The following NDST3 variants were observed in gnomAD, a reference collection of about 807,000 sequenced individuals.
NDST3 encodes bifunctional heparan sulfate N-deacetylase/N-sulfotransferase 3.
Under a neutral mutation model 96.1 loss-of-function variants are expected in NDST3, and 58 were observed. The ratio of observed to expected loss-of-function variants is 0.60; its 90% CI spans 0.49 to 0.75. The LOEUF (loss-of-function observed/expected upper bound fraction) is 0.75, where lower values mean the gene tolerates loss of function less well. Ranked by LOEUF, NDST3 falls within the 30% of genes least tolerant of loss-of-function variation. The pLI is 0.00. For missense variants in NDST3, 788 were observed against 1,034.2 expected (o/e 0.76, Z 3.27); for synonymous variants, 333 against 359.7 (o/e 0.93, Z 0.84).
chr4:118,248,986 A>C (rs1741486678), intron 12 of NDST3, among the ~76,000 whole-genome samples: 1 of 152,018 alleles, frequency 6.6e-6, no homozygotes, highest in South Asian at 2.1e-4. Flanking sequence ...ACACACTTAT[A>C]CCATTGCCTA....
intron 12 of NDST3, among the ~76,000 whole-genome samples, 160 bp from the exon 13 acceptor site, chr4:118,253,339 A>G (rs1741879233): frequency 6.6e-6 from 1 of 152,216 alleles, no homozygotes; most frequent in Non-Finnish European, 1.5e-5. Context: ...TATGCAAAGG[A>G]ATATAGTAAA....
At chr4:118,039,377 C>T (rs1486301329) in intron 1 of NDST3, among the ~76,000 whole-genome samples, 1 of 152,096 alleles carries the variant, frequency 6.6e-6, no homozygotes, top group Non-Finnish European at 1.5e-5. Flanking sequence ...TTTGTGAGTG[C>T]CAGCTGCTAT....
chr4:118,053,951 C>A lies in NDST3; in HGVS notation c.41C>A (p.Thr14Lys), dbSNP rs1439547519. Residue 14 changes from threonine to lysine, a missense_variant, in exon 2 of 14, where the codon ACA (threonine) becomes AAA (lysine). This residue lies in a region of NDST3 where 234 missense variants were observed against 256.9 expected (regional missense o/e 0.91). Transcript: ENST00000296499. ...AAGCTTCACAGACACTTTCAAAGAACAGTCATTCTGCTTGCCACTTTTTGT... is the reference window on the plus strand; with the variant it reads ...AAGCTTCACAGACACTTTCAAAGAAAAGTCATTCTGCTTGCCACTTTTTGT... ...IMKLHRHFQR[T>K]VILLATFCMV... 1 of 1,611,094 alleles carries A rather than the reference C, an allele frequency of 6.2e-7. No individual in the cohort carries two copies.
chr4:118,061,110 CTT>C (rs1725859070), intron 2 of NDST3, among the ~76,000 whole-genome samples: 1 of 152,156 alleles, frequency 6.6e-6, no homozygotes, highest in African/African-American at 2.4e-5. Context: ...CTTCCAGTGT[CTT>C]TATCTCTGCT....
intron 3 of NDST3, among the ~76,000 whole-genome samples, chr4:118,111,914 G>C (rs1319993638): frequency 6.6e-6 from 1 of 150,782 alleles, no homozygotes; most frequent in Non-Finnish European, 1.5e-5. Flanking sequence ...CTGACCTCTT[G>C]ATCTGCCCGC....
intron 5 of NDST3, among the ~76,000 whole-genome samples, chr4:118,140,345 A>G (rs1258315276): frequency 6.6e-6 from 1 of 152,192 alleles, no homozygotes; most frequent in Non-Finnish European, 1.5e-5. Flanking sequence ...CTGAATTCCT[A>G]CAACACATCA....
chr4:118,096,496 T>G (rs1414337829), intron 2 of NDST3, among the ~76,000 whole-genome samples: 1 of 151,772 alleles, frequency 6.6e-6, no homozygotes, highest in Non-Finnish European at 1.5e-5. Flanking sequence ...ATAAAATTAA[T>G]AAAAATATAA....
At chr4:118,168,210 C>A (rs1251943272) in intron 6 of NDST3, among the ~76,000 whole-genome samples, 1 of 151,822 alleles carries the variant, frequency 6.6e-6, no homozygotes, top group Non-Finnish European at 1.5e-5. Context: ...GGAACTGCTA[C>A]AACTCAATAG....
Position 118,041,829 on chromosome 4 carries a change from G to T in NDST3, c.-156+7237G>T, listed in dbSNP as rs562778119. On this transcript the variant is annotated intron_variant, in intron 1 of 13. Transcript: ENST00000296499. ...CATCTCATTTCTTTTTGAAAAATTT[G>T]AAAAATTACTGGGAAAAAACATGAG... Among the ~76,000 whole-genome samples the T allele has an allele frequency of 6.8e-4, 104 of 152,152 alleles. 1 individual carries two copies. In the South Asian group the frequency reaches 0.02, roughly 29 times the overall value.
intron 1 of NDST3, among the ~76,000 whole-genome samples, chr4:118,040,386 G>A (rs1375090503): frequency 6.6e-6 from 1 of 152,022 alleles, no homozygotes; most frequent in Non-Finnish European, 1.5e-5. Flanking sequence ...AAAGGGGGAG[G>A]GGTGAAAAGA....
intron 6 of NDST3, among the ~76,000 whole-genome samples, chr4:118,215,585 T>G (rs1000270493): frequency 4.6e-5 from 7 of 151,420 alleles, no homozygotes; most frequent in African/African-American, 1.7e-4. Flanking sequence ...GAGCCTAAGA[T>G]GAGAGAGATT....
chr4:118,086,824 A>C (rs1216798044), intron 2 of NDST3, among the ~76,000 whole-genome samples: 2 of 152,150 alleles, frequency 1.3e-5, no homozygotes, highest in African/African-American at 4.8e-5. Flanking sequence ...CATATTCAGG[A>C]AAGATTATAC....
At chr4:118,254,408 C>T (rs1299256325) in intron 13 of NDST3, among the ~76,000 whole-genome samples, 1 of 152,088 alleles carries the variant, frequency 6.6e-6, no homozygotes, top group Non-Finnish European at 1.5e-5. Flanking sequence ...CAACATCTAA[C>T]ATACTAGCAG....
At chr4:118,074,040 T>A (rs1336797230) in intron 2 of NDST3, among the ~76,000 whole-genome samples, 7 of 152,168 alleles carry the variant, frequency 4.6e-5, no homozygotes, top group African/African-American at 1.7e-4. Flanking sequence ...TTACAAGAAG[T>A]CATTCAGGAG....
chr4:118,191,952 T>C (rs928526379), intron 6 of NDST3, among the ~76,000 whole-genome samples: 2 of 152,210 alleles, frequency 1.3e-5, no homozygotes, highest in African/African-American at 4.8e-5. Context: ...CATTTATTAT[T>C]GACTGTCTTT....
intron 2 of NDST3, among the ~76,000 whole-genome samples, chr4:118,085,018 G>A (rs181229849): frequency 4.2e-3 from 644 of 152,184 alleles, no homozygotes; most frequent in African/African-American, 0.014. Flanking sequence ...CAGGTACTCC[G>A]GAGGCTGAGG....
chr4:118,146,011 G>C (rs572163659), intron 6 of NDST3, among the ~76,000 whole-genome samples: 1 of 152,218 alleles, frequency 6.6e-6, no homozygotes, highest in African/African-American at 2.4e-5. Flanking sequence ...GTCTGTCTTG[G>C]AGAACAGAGT....
intron 6 of NDST3, among the ~76,000 whole-genome samples, chr4:118,156,729 G>C (rs1477454481): frequency 1.3e-5 from 2 of 152,144 alleles, no homozygotes; most frequent in Admixed American, 6.5e-5. Flanking sequence ...AAAATGCAAA[G>C]TAAGATTATA....
At chr4:118,250,801 C>T (rs1240543220) in intron 12 of NDST3, among the ~76,000 whole-genome samples, 2 of 152,144 alleles carry the variant, frequency 1.3e-5, no homozygotes, top group South Asian at 2.1e-4. Context: ...ATCTTTTATG[C>T]AGTTTTTATT....
Sources: gnomAD v4.1 joint callset for allele counts (sites outside exome capture counted in the v4.1 genomes callset) on GRCh38, gnomAD v4.1.1 for gene constraint, gnomAD v4.1.1 regional missense constraint, MANE v1.5 for transcripts, NCBI Gene and HGNC (gene_info 2026-07-23, HGNC 2026-07-21) for gene names.